Variants in BMP1 observed in about 807,000 individuals in gnomAD.
The protein encoded by BMP1 is mammalian tolloid protein.
A neutral mutation model predicts 116.8 loss-of-function variants in BMP1; 63 were observed. That is an observed-to-expected ratio of 0.54 (90% CI 0.44 to 0.67). BMP1 has a LOEUF of 0.67. Among genes scored for constraint, BMP1 ranks in the 30% least tolerant of loss-of-function variants. The pLI is 0.00. For synonymous variants in BMP1, 536 were observed against 533.4 expected (o/e 1.00, Z -0.07); for missense variants, 1,183 against 1,358.9 (o/e 0.87, Z 2.04).
rs543052681 is a variant in BMP1, at chr8:22,211,824, C to G, written c.*96C>G. 6.4e-7 allele frequency: 1 copy of G among 1,572,104 alleles called. No homozygotes were observed. The highest frequency in any genetic ancestry group is 8.7e-7 in the Non-Finnish European group (1 of 1,154,302). On this transcript the variant is annotated 3_prime_UTR_variant, in exon 20 of 20. Transcript: ENST00000306385. ...GCGGAAGGCAACGCACCATCCCTCT[C>G]CCCCAGGCCCCAGGACCTGCAGGGC...
chr8:22,194,322 T>G lies in BMP1; in HGVS notation c.1298-123T>G. The G allele has an allele frequency of 6.8e-7, 1 of 1,471,134 alleles. No homozygotes were observed. The highest frequency in any genetic ancestry group is 9.3e-7 in the Non-Finnish European group (1 of 1,071,254). The allele number at this position is 1,471,134 out of a possible 1,614,324, so 91.1% of individuals were successfully genotyped here. A position where few individuals can be genotyped will look rare whatever the true frequency, so the allele number is the denominator to read the frequency against. On this transcript the variant is annotated intron_variant, in intron 10 of 19. Transcript: ENST00000306385. This position sits in a 1 kb window ranked among gnomAD's most constrained non-coding sequence, Gnocchi z 4.5. ...GATGGGATTGCCTGGGACTGGGGGT[T>G]TGGTGGGGAACTGAAAAGCTGGGGG... is the stretch of plus-strand genomic sequence containing the variant.
chr8:22,174,914 G>A (rs542228879), intron 2 of BMP1, among the ~76,000 whole-genome samples: 69 of 152,250 alleles, frequency 4.5e-4, no homozygotes, highest in African/African-American at 1.6e-3. Context: ...AATTACAGGC[G>A]TGAGCCACTG....
At chr8:22,190,339 A>G (rs1295426092) in intron 8 of BMP1, among the ~76,000 whole-genome samples, 2 of 152,364 alleles carry the variant, frequency 1.3e-5, no homozygotes, top group Admixed American at 1.3e-4. Flanking sequence ...TTTAAAAAGA[A>G]TAGAAGAAAA....
intron 13 of BMP1, among the ~76,000 whole-genome samples, chr8:22,195,887 ACTC>A (rs1829070412): frequency 6.6e-6 from 1 of 151,422 alleles, no homozygotes; most frequent in Admixed American, 6.6e-5. Context: ...GGCCTCAAGT[ACTC>A]CTCCTGCCTC....
chr8:22,193,074 G>T (rs1828980875), intron 9 of BMP1, among the ~76,000 whole-genome samples: 2 of 152,156 alleles, frequency 1.3e-5, no homozygotes, highest in African/African-American at 2.4e-5. Flanking sequence ...TTACATTCCT[G>T]GGCCAGCACC....
At chr8:22,199,352 C>T in intron 15 of BMP1, 1 of 1,320,162 alleles carries the variant, frequency 7.6e-7, no homozygotes, top group Non-Finnish European at 1.0e-6. Context: ...TTCAGTCTGA[C>T]CCCTGCCACC....
chr8:22,194,805 T>C lies in BMP1; in HGVS notation c.1525T>C (p.Tyr509His), dbSNP rs1829034303. Residue 509 changes from tyrosine to histidine, a missense_variant, in exon 12 of 20, where the codon TAC becomes CAC. Physicochemically the swap from Tyr to His is moderately conservative, Grantham distance 83. Transcript: ENST00000306385. This position sits in a 1 kb window ranked among gnomAD's most constrained non-coding sequence, Gnocchi z 4.5. ...TGAGAGCAGCACCCTCATCGGGCGC[T>C]ACTGTGGCTATGAGAAGCCTGATGA... ...HSESSTLIGRYCGYEKPDDIK... is the reference protein window; with the variant it reads ...HSESSTLIGRHCGYEKPDDIK... 4 of 1,614,144 alleles carry C rather than the reference T, an allele frequency of 2.5e-6. No homozygotes were observed. The highest frequency in any genetic ancestry group is 3.4e-6 in the Non-Finnish European group (4 of 1,180,014).
In BMP1 at chr8:22,165,541, C is replaced by A; in HGVS notation, c.136C>A (p.Pro46Thr). The A allele has an allele frequency of 2.5e-6, 4 of 1,584,602 alleles. No homozygotes were observed. The highest frequency in any genetic ancestry group is 2.3e-5 in the South Asian group (2 of 87,832). ...DDSEPLNYKDPCKAAAFLGDI... is the reference protein window; with the variant it reads ...DDSEPLNYKDTCKAAAFLGDI... Reference sequence around the variant, plus strand: ...CTCGGAGCCCCTCAACTACAAAGACCCCTGCAAGGCGGGTGAGCGCCCCCC... The same window carrying A: ...CTCGGAGCCCCTCAACTACAAAGACACCTGCAAGGCGGGTGAGCGCCCCCC... Residue 46 changes from proline to threonine, a missense_variant, in exon 1 of 20, where the codon CCC becomes ACC. By Grantham distance (38) the Pro-to-Thr change is conservative. Transcript: ENST00000306385.
intron 17 of BMP1, 50 bp from the exon 18 acceptor site, chr8:22,207,253 C>T: frequency 3.8e-6 from 6 of 1,578,628 alleles, no homozygotes; most frequent in Non-Finnish European, 5.2e-6. Flanking sequence ...CCTTGCCCCA[C>T]CTGCCTTCCA....
chr8:22,192,303 T>C, intron 9 of BMP1, 152 bp downstream of exon 9: 2 of 615,018 alleles, frequency 3.3e-6, no homozygotes, highest in Non-Finnish European at 2.9e-6. Flanking sequence ...TAGTCCCAGA[T>C]AGCTGCATTA....
chr8:22,176,768 TATGGGGCATCTACCCAGGA>T, intron 4 of BMP1, 118 bp downstream of exon 4: 13 of 1,164,664 alleles, frequency 1.1e-5, no homozygotes, highest in Non-Finnish European at 1.6e-5. Context: ...CCCCTCCTGC[TATGGGGCATCTACCCAGGA>T]ACTGCCCCCT....
At chr8:22,203,928 G>T (rs1205194357) in intron 16 of BMP1, among the ~76,000 whole-genome samples, 1 of 152,256 alleles carries the variant, frequency 6.6e-6, no homozygotes, top group Non-Finnish European at 1.5e-5. Context: ...CAGGACAGGG[G>T]TGAAGCTCCT....
chr8:22,183,956 T>C (rs1310140092), intron 8 of BMP1, among the ~76,000 whole-genome samples: 1 of 152,210 alleles, frequency 6.6e-6, no homozygotes, highest in African/African-American at 2.4e-5. Context: ...TATCCCTGTT[T>C]TGGATATGAG....
chr8:22,175,503 C>T (rs1200933040), intron 2 of BMP1, among the ~76,000 whole-genome samples: 1 of 152,190 alleles, frequency 6.6e-6, no homozygotes, highest in Non-Finnish European at 1.5e-5. Flanking sequence ...AATACTGACC[C>T]ATTGCTCCTA....
chr8:22,177,283 A>G (rs148330445), intron 5 of BMP1, 144 bp downstream of exon 5: 2 of 879,764 alleles, frequency 2.3e-6, no homozygotes, highest in Non-Finnish European at 3.5e-6. Context: ...GGGTTGAGCC[A>G]GCCCCTGCCC....
intron 16 of BMP1, 68 bp from the exon 17 acceptor site, chr8:22,206,786 C>T: frequency 6.2e-7 from 1 of 1,601,024 alleles, no homozygotes. Flanking sequence ...AGGGAAGGGC[C>T]TTCCCCACAG....
chr8:22,182,155 G>A (rs1371213995), intron 8 of BMP1, among the ~76,000 whole-genome samples: 1 of 152,154 alleles, frequency 6.6e-6, no homozygotes, highest in Non-Finnish European at 1.5e-5. Context: ...GCGTTGAGCT[G>A]GATTCAATTC....
chr8:22,211,562 C>T (rs765187244), intron 19 of BMP1, 32 bp from the exon 20 acceptor site: 1 of 1,613,816 alleles, frequency 6.2e-7, no homozygotes, highest in South Asian at 1.1e-5. Flanking sequence ...GCCCCTCTTC[C>T]TCCACCTTAC....
At chr8:22,206,240 G>A (rs576407955) in intron 16 of BMP1, among the ~76,000 whole-genome samples, 35 of 152,288 alleles carry the variant, frequency 2.3e-4, no homozygotes, top group Admixed American at 1.8e-3. Context: ...AGTGGCTCAC[G>A]CCTGTAATCC....
Sources: gnomAD v4.1 joint callset for allele counts (sites outside exome capture counted in the v4.1 genomes callset) on GRCh38, gnomAD v4.1.1 for gene constraint, Gnocchi (gnomAD v3.1) non-coding constraint, MANE v1.5 for transcripts, NCBI Gene and HGNC (gene_info 2026-07-23, HGNC 2026-07-21) for gene names.